The following CHD7 variants were observed in gnomAD, a reference collection of about 807,000 sequenced individuals.
CHD7 encodes the protein chromodomain helicase DNA binding protein 7.
In CHD7, 24 loss-of-function variants were observed where a neutral mutation model predicts 307.3. The observed-to-expected ratio is 0.08, with a 90% CI of 0.06 to 0.11. The LOEUF is 0.11. CHD7 is among the 10% of genes least tolerant of loss of function. The pLI, the probability that CHD7 is intolerant of heterozygous loss-of-function variation, is 1.00. For synonymous variants in CHD7, 1,363 were observed against 1,349.9 expected (o/e 1.01, Z -0.21); for missense variants, 3,106 against 3,727.1 (o/e 0.83, Z 4.34).
chr8:60,833,457 G>A (rs1804611683), intron 15 of CHD7, among the ~76,000 whole-genome samples: 1 of 152,038 alleles, frequency 6.6e-6, no homozygotes. Flanking sequence ...TGGGCAAAAA[G>A]AAAACACGAA....
At chr8:60,856,939 G>A in intron 34 of CHD7, 51 bp downstream of exon 34, 1 of 1,476,060 alleles carries the variant, frequency 6.8e-7, no homozygotes, top group African/African-American at 1.4e-5. Flanking sequence ...GACAGCTGAG[G>A]GTCCTGTGAT....
intron 36 of CHD7, 26 bp downstream of exon 36, chr8:60,862,362 C>G: frequency 3.8e-6 from 6 of 1,587,244 alleles, no homozygotes; most frequent in South Asian, 3.5e-5. Flanking sequence ...GGGAATTGAT[C>G]ACTATGCGAT....
chr8:60,792,876 T>G (rs2150693243), intron 3 of CHD7, among the ~76,000 whole-genome samples: 1 of 152,348 alleles, frequency 6.6e-6, no homozygotes, highest in Non-Finnish European at 1.5e-5. Flanking sequence ...ACCTCTGATT[T>G]AAACAAATTT....
chr8:60,808,489 G>T (rs1184778128), intron 7 of CHD7, among the ~76,000 whole-genome samples: 1 of 152,192 alleles, frequency 6.6e-6, no homozygotes, highest in African/African-American at 2.4e-5. Flanking sequence ...TAACTTCTGT[G>T]TATAACCAAT....
chr8:60,828,581 A>G lies in CHD7; in HGVS notation c.3379-82A>G, dbSNP rs554755802. 4.9e-4 allele frequency: 642 copies of G among 1,309,452 alleles called. 1 individual carries two copies. Among genetic ancestry groups the G allele is most frequent in the Non-Finnish European group, 4.2e-4 (402 of 956,452 alleles). 81.1% of individuals were successfully genotyped at this position (1,309,452 alleles called of 1,614,324 possible). On this transcript the variant is annotated intron_variant, in intron 13 of 37. Coordinates refer to ENST00000423902, the MANE Select transcript of CHD7 (RefSeq NM_017780.4). ...AGGGTAGATGAGTAGGAGTAGAACAATGGGTGTCTAGTGAGAGGCTCTGGT... is the reference window on the plus strand; with the variant it reads ...AGGGTAGATGAGTAGGAGTAGAACAGTGGGTGTCTAGTGAGAGGCTCTGGT...
At chr8:60,762,156 CCTT>C (rs748081219) in intron 2 of CHD7, among the ~76,000 whole-genome samples, 4 of 152,122 alleles carry the variant, frequency 2.6e-5, no homozygotes, top group Admixed American at 6.5e-5. Flanking sequence ...TCAGTAAAGT[CCTT>C]CTTAAAGCAC....
At position 60,822,373 on chromosome 8, in the gene CHD7, T is replaced by G. The variant is rs1804084482; in HGVS notation, c.2958-130T>G. ...GAATTTTGTTTGAAAATATATTTTG[T>G]TGAATCTAAGAGAACATCTAAAGCC... On this transcript the variant is annotated intron_variant, in intron 11 of 37. Coordinates refer to ENST00000423902, the MANE Select transcript of CHD7 (RefSeq NM_017780.4). The G allele has an allele frequency of 3.3e-6, 3 of 901,138 alleles. No individual in the cohort carries two copies. In the South Asian group the frequency reaches 7.6e-5, roughly 23 times the overall value. 55.8% of individuals were successfully genotyped at this position (901,138 alleles called of 1,614,324 possible).
At chr8:60,757,312 A>G (rs1809947787) in intron 2 of CHD7, among the ~76,000 whole-genome samples, 1 of 152,234 alleles carries the variant, frequency 6.6e-6, no homozygotes, top group Non-Finnish European at 1.5e-5. Flanking sequence ...TTAAACAGCC[A>G]TATTTGGCTA....
chr8:60,864,478 A>G (rs761575634), intron 37 of CHD7: 3 of 153,546 alleles, frequency 2.0e-5, no homozygotes, highest in Non-Finnish European at 4.3e-5. Context: ...AAAATTTGTT[A>G]TGGGTACATA....
In CHD7 at chr8:60,854,503, G is replaced by A. The variant is rs1365225246; in HGVS notation, c.6916G>A (p.Ala2306Thr). 4 of 1,602,118 alleles carry A rather than the reference G, an allele frequency of 2.5e-6. No individual in the cohort carries two copies. The highest frequency in any genetic ancestry group is 3.4e-6 in the Non-Finnish European group (4 of 1,171,006). Residue 2306 changes from alanine (A) to threonine (T), a missense_variant, in exon 32 of 38, where the codon GCC becomes ACC. Physicochemically the swap from Ala to Thr is moderately conservative, Grantham distance 58. Transcript: ENST00000423902. Reference sequence around the variant, plus strand: ...TCAGCTCCTTCATGAAAGAACATTTGCCTTCTCGTTTTGGCCTAAGGTTGG... The same window carrying A: ...TCAGCTCCTTCATGAAAGAACATTTACCTTCTCGTTTTGGCCTAAGGTTGG... ...VAQLLHERTFAFSFWPKDRVM... is the reference protein window; with the variant it reads ...VAQLLHERTFTFSFWPKDRVM...
chr8:60,813,280 A>G (rs1437833621), intron 7 of CHD7, among the ~76,000 whole-genome samples: 7 of 152,176 alleles, frequency 4.6e-5, no homozygotes, highest in Non-Finnish European at 4.4e-5. Flanking sequence ...GGATTATTTT[A>G]TTATATGAAT....
chr8:60,747,795 A>C (rs1236456880), intron 2 of CHD7, among the ~76,000 whole-genome samples: 1 of 152,184 alleles, frequency 6.6e-6, no homozygotes, highest in Non-Finnish European at 1.5e-5. Context: ...TAACGTCACC[A>C]CCTGACGTTA....
chr8:60,802,494 A>G (rs1812360078), intron 6 of CHD7, among the ~76,000 whole-genome samples: 1 of 152,216 alleles, frequency 6.6e-6, no homozygotes, highest in Non-Finnish European at 1.5e-5. Context: ...TTCAAGAAGG[A>G]TGGAACTACA....
chr8:60,781,550 G>A (rs1811233926), intron 3 of CHD7, 120 bp downstream of exon 3: 1 of 1,345,752 alleles, frequency 7.4e-7, no homozygotes, highest in Non-Finnish European at 9.8e-7. Context: ...TCATCATTGA[G>A]TTTCTTTCCC....
intron 37 of CHD7, chr8:60,864,304 G>C (rs1806143529): frequency 6.6e-6 from 1 of 151,896 alleles, no homozygotes; most frequent in Non-Finnish European, 1.5e-5. Flanking sequence ...TTATTTTGTA[G>C]AGATAGGGTC....
At chr8:60,751,101 C>T (rs1003270420) in intron 2 of CHD7, among the ~76,000 whole-genome samples, 1 of 152,130 alleles carries the variant, frequency 6.6e-6, no homozygotes, top group African/African-American at 2.4e-5. Context: ...GAAAAAATAG[C>T]GTGTTTGTCT....
intron 2 of CHD7, among the ~76,000 whole-genome samples, chr8:60,753,797 G>A (rs1203543667): frequency 6.6e-6 from 1 of 151,668 alleles, no homozygotes; most frequent in Non-Finnish European, 1.5e-5. Context: ...GCTGATTTTT[G>A]TATTTTTAGT....
rs1342903724 is a variant in CHD7, at chr8:60,836,832, G to A, written c.4005G>A (p.Arg1335=). The change falls in exon 17 of 38, where the codon AGG becomes AGA. Residue 1335 remains arginine, a synonymous_variant. Transcript: ENST00000423902. ...YLIQRRYPYE[R]IDGRVRGNLR... is the part of the protein sequence containing the mutation. ...TGTTTTCTAGGTACCCATATGAAAG[G>A]ATCGACGGCCGAGTAAGAGGCAACC... The A allele has an allele frequency of 6.2e-7, 1 of 1,613,758 alleles. No homozygotes were observed. The highest frequency in any genetic ancestry group is 8.5e-7 in the Non-Finnish European group (1 of 1,179,766).
At chr8:60,790,246 G>GT (rs1370419385) in intron 3 of CHD7, among the ~76,000 whole-genome samples, 1 of 151,976 alleles carries the variant, frequency 6.6e-6, no homozygotes, top group East Asian at 1.9e-4. Flanking sequence ...GGTTGGCTCC[G>GT]TGTCTCTTTA....
Sources: allele counts gnomAD v4.1 joint callset (sites outside exome capture counted in the v4.1 genomes callset), GRCh38; gene constraint gnomAD v4.1.1; transcripts MANE v1.5; gene names NCBI Gene and HGNC (gene_info 2026-07-23, HGNC 2026-07-21).